Variants in ALK observed in about 807,000 individuals in gnomAD.
The protein encoded by ALK is ALK tyrosine kinase receptor.
Under a neutral mutation model 163.1 loss-of-function variants are expected in ALK, and 74 were observed. The observed-to-expected ratio is 0.45, with a 90% CI of 0.38 to 0.55. The LOEUF (loss-of-function observed/expected upper bound fraction) is 0.55. ALK is among the 20% of genes least tolerant of loss of function. ALK has a pLI of 0.00. For synonymous variants in ALK, 960 were observed against 843.2 expected (o/e 1.14, Z -2.40); for missense variants, 2,063 against 2,105.3 (o/e 0.98, Z 0.39).
chr2:29,518,094 A>G (rs1338129011), intron 4 of ALK, among the ~76,000 whole-genome samples: 1 of 152,226 alleles, frequency 6.6e-6, no homozygotes, highest in Non-Finnish European at 1.5e-5. Context: ...GTGCAGTCCA[A>G]TAGCAGAGAA....
At chr2:29,872,398 C>T (rs11682235) in intron 1 of ALK, among the ~76,000 whole-genome samples, 32,384 of 152,154 alleles carry the variant, frequency 0.21, 4,041 homozygotes, top group East Asian at 0.47. Flanking sequence ...GGGTTATGTC[C>T]TGATAAACCC....
intron 3 of ALK, among the ~76,000 whole-genome samples, chr2:29,618,516 C>T (rs1675924896): frequency 6.6e-6 from 1 of 151,758 alleles, no homozygotes; most frequent in Admixed American, 6.6e-5. Context: ...TGCCCTTATA[C>T]TGGTGGGGAG....
At chr2:29,767,638 G>T (rs1004007607) in intron 1 of ALK, among the ~76,000 whole-genome samples, 1 of 152,162 alleles carries the variant, frequency 6.6e-6, no homozygotes, top group African/African-American at 2.4e-5. Context: ...AGTGAAATAG[G>T]CATTTTGGAA....
At position 29,920,651 on chromosome 2, in the gene ALK, G is replaced by A. The variant is rs2148444182; in HGVS notation, c.9C>T (p.Ala3=). 1 of 1,537,074 alleles carries A rather than the reference G, an allele frequency of 6.5e-7. No homozygotes were observed. Among genetic ancestry groups the A allele is most frequent in the Non-Finnish European group, 8.7e-7 (1 of 1,148,676 alleles). The change falls in exon 1 of 29, where the codon GCC becomes GCT. Residue 3 remains alanine, a synonymous_variant. Transcript: ENST00000389048. MG[A]IGLLWLLPLL... Reference sequence around the variant, plus strand: ...GCGGCAGGAGCCACAGGAGCCCGATGGCTCCCATCCCGCCGGAGGAGGCCG... The same window carrying A: ...GCGGCAGGAGCCACAGGAGCCCGATAGCTCCCATCCCGCCGGAGGAGGCCG...
chr2:29,657,683 TG>T (rs1677225270), intron 3 of ALK, among the ~76,000 whole-genome samples: 1 of 151,986 alleles, frequency 6.6e-6, no homozygotes, highest in African/African-American at 2.4e-5. Context: ...GGAGAATGTT[TG>T]GGGTGGACAG....
At chr2:29,586,274 T>C (rs915742671) in intron 3 of ALK, among the ~76,000 whole-genome samples, 1 of 152,098 alleles carries the variant, frequency 6.6e-6, no homozygotes, top group African/African-American at 2.4e-5. Context: ...TTCATACATA[T>C]ATTAAATACG....
chr2:29,632,096 T>C (rs943800445), intron 3 of ALK, among the ~76,000 whole-genome samples: 3 of 152,210 alleles, frequency 2.0e-5, no homozygotes, highest in Non-Finnish European at 4.4e-5. Context: ...GGTTGGGTCA[T>C]GTAGAAAGTT....
intron 3 of ALK, among the ~76,000 whole-genome samples, chr2:29,686,900 C>G (rs1468341190): frequency 6.6e-6 from 1 of 152,180 alleles, no homozygotes; most frequent in Non-Finnish European, 1.5e-5. Flanking sequence ...TGGAAAGAAT[C>G]ACACATCACA....
intron 1 of ALK, among the ~76,000 whole-genome samples, chr2:29,916,436 T>G (rs1225008702): frequency 6.6e-6 from 1 of 152,222 alleles, no homozygotes; most frequent in Non-Finnish European, 1.5e-5. Flanking sequence ...CTTCAACTGT[T>G]AAATCAGCTC....
At chr2:29,352,132 A>G (rs1668132162) in intron 5 of ALK, among the ~76,000 whole-genome samples, 2 of 152,130 alleles carry the variant, frequency 1.3e-5, no homozygotes, top group South Asian at 2.1e-4. Flanking sequence ...AAGTTGTGCT[A>G]CCGATTAGTC....
intron 4 of ALK, among the ~76,000 whole-genome samples, chr2:29,506,405 T>C (rs1216837760): frequency 6.6e-6 from 1 of 152,036 alleles, no homozygotes; most frequent in Non-Finnish European, 1.5e-5. Context: ...ATAAACAGGG[T>C]GAGCTCATCA....
intron 1 of ALK, among the ~76,000 whole-genome samples, chr2:29,772,821 T>C (rs1187160663): frequency 6.6e-6 from 1 of 152,190 alleles, no homozygotes; most frequent in African/African-American, 2.4e-5. Context: ...GTTCTTCAAG[T>C]GCCCCAGCCT....
At chr2:29,549,340 GC>G (rs1673655456) in intron 3 of ALK, among the ~76,000 whole-genome samples, 1 of 152,184 alleles carries the variant, frequency 6.6e-6, no homozygotes, top group Non-Finnish European at 1.5e-5. Context: ...TTGTTCCTGA[GC>G]CACCTCTCAT....
intron 9 of ALK, among the ~76,000 whole-genome samples, chr2:29,279,375 G>A (rs372549599): frequency 6.6e-6 from 1 of 152,192 alleles, no homozygotes; most frequent in Admixed American, 6.5e-5. Flanking sequence ...CCATCCATGG[G>A]CCAACCCTCC....
intron 1 of ALK, among the ~76,000 whole-genome samples, chr2:29,852,641 A>G (rs905677000): frequency 6.6e-6 from 1 of 152,148 alleles, no homozygotes; most frequent in African/African-American, 2.4e-5. Context: ...GATGGTACAC[A>G]ATCTAATGGG....
chr2:29,775,365 A>G (rs72851997), intron 1 of ALK, among the ~76,000 whole-genome samples: 1,841 of 152,280 alleles, frequency 0.012, 30 homozygotes, highest in African/African-American at 0.042. Context: ...CAGTCTTGTT[A>G]TTTTGCTAAC....
At chr2:29,401,470 T>A (rs1044686880) in intron 4 of ALK, among the ~76,000 whole-genome samples, 3 of 152,232 alleles carry the variant, frequency 2.0e-5, no homozygotes, top group African/African-American at 7.2e-5. Flanking sequence ...GTATATGCAT[T>A]TGCCTGTTCA....
chr2:29,676,877 T>G (rs1677888803), intron 3 of ALK, among the ~76,000 whole-genome samples: 1 of 152,066 alleles, frequency 6.6e-6, no homozygotes, highest in African/African-American at 2.4e-5. Flanking sequence ...CTAATTATTT[T>G]CTCTTTTTGA....
intron 1 of ALK, among the ~76,000 whole-genome samples, chr2:29,752,763 T>G (rs1034284266): frequency 4.6e-5 from 7 of 152,200 alleles, no homozygotes; most frequent in Non-Finnish European, 1.0e-4. Context: ...CACTGCAGAA[T>G]AGCCCTGAAG....
Sources: allele counts gnomAD v4.1 joint callset (sites outside exome capture counted in the v4.1 genomes callset), GRCh38; gene constraint gnomAD v4.1.1; transcripts MANE v1.5; gene names NCBI Gene and HGNC (gene_info 2026-07-23, HGNC 2026-07-21).